The following PLK5 variants were observed in gnomAD, a reference collection of about 807,000 sequenced individuals.
PLK5 encodes the protein inactive serine/threonine-protein kinase PLK5.
In PLK5, 28 loss-of-function variants were observed where a neutral mutation model predicts 33.7. The observed-to-expected ratio is 0.83, with a 90% CI of 0.62 to 1.14. PLK5 has a LOEUF of 1.14. Ranked by LOEUF, PLK5 falls within the 50% of genes most tolerant of loss-of-function variation. The pLI, the probability that PLK5 is intolerant of heterozygous loss-of-function variation, is 0.00. For synonymous variants in PLK5, 225 were observed against 202.2 expected (o/e 1.11, Z -0.96); for missense variants, 492 against 461.5 (o/e 1.07, Z -0.61).
intron 13 of PLK5, among the ~76,000 whole-genome samples, chr19:1,534,676 G>A (rs1914039343): frequency 6.6e-6 from 1 of 150,450 alleles, no homozygotes; most frequent in Non-Finnish European, 1.5e-5. Context: ...AATTAGCCGG[G>A]CGTGGTGGCG....
chr19:1,528,147 C>G lies in PLK5; in HGVS notation c.201+13C>G, dbSNP rs1366278218. ...CTTCTTCACACAGGTGGGCGGCGGT[C>G]CTCGGCGTGGGGTCCCTGGCGTGGG... On this transcript the variant is annotated intron_variant, in intron 7 of 13. Coordinates refer to ENST00000454744, the MANE Select transcript of PLK5 (RefSeq NM_001243079.2). 1.0e-5 allele frequency: 16 copies of G among 1,533,726 alleles called. No individual in the cohort carries two copies. The highest frequency in any genetic ancestry group is 1.4e-5 in the Non-Finnish European group (16 of 1,145,156).
rs983331009 is a variant in PLK5 at position 1,526,550 on chromosome 19, G to C, written c.-248G>C. On this transcript the variant is annotated 5_prime_UTR_variant, in exon 4 of 14. Transcript: ENST00000454744. The stretch of plus-strand genomic sequence containing the variant: ...GAGCCAGAAGTGCGCGACTACCTGC[G>C]GGGCCTGGTCAGCGGCCTGCGCTAC... 1 of 281,250 alleles carries C rather than the reference G, an allele frequency of 3.6e-6. No homozygotes were observed. The highest frequency in any genetic ancestry group is 2.3e-5 in the African/African-American group (1 of 43,024). The allele number at this position is 281,250 out of a possible 1,614,324, so 17.4% of individuals were successfully genotyped here.
chr19:1,529,649 A>G (rs958204894), intron 10 of PLK5, 98 bp from the exon 11 acceptor site: 36 of 1,421,972 alleles, frequency 2.5e-5, no homozygotes, highest in Non-Finnish European at 3.4e-5. Context: ...GTTGAGGATG[A>G]GATGTTCCTG....
chr19:1,530,238 A>G (rs1470646595), intron 11 of PLK5, among the ~76,000 whole-genome samples: 1 of 151,996 alleles, frequency 6.6e-6, no homozygotes, highest in Non-Finnish European at 1.5e-5. Flanking sequence ...TGCCACCCTT[A>G]GAGAGGGAGC....
At chr19:1,530,582 G>A (rs958890431) in intron 11 of PLK5, among the ~76,000 whole-genome samples, 3 of 134,394 alleles carry the variant, frequency 2.2e-5, no homozygotes, top group Non-Finnish European at 3.1e-5. Flanking sequence ...TACAGACGTC[G>A]TCAGCCACCA....
intron 6 of PLK5, 63 bp from the exon 7 acceptor site, chr19:1,527,873 G>A (rs1410172545): frequency 1.4e-6 from 2 of 1,469,328 alleles, no homozygotes; most frequent in Non-Finnish European, 1.8e-6. Context: ...GTCTGGCCAA[G>A]TGTGCAGGGG....
chr19:1,535,192 GCGC>G lies in PLK5; in HGVS notation c.955_957del (p.Ala319del), dbSNP rs1818955700. On this transcript the variant is annotated inframe_deletion, in exon 14 of 14. Coordinates refer to ENST00000454744, the MANE Select transcript of PLK5 (RefSeq NM_001243079.2). ...CTGGACGTCCCGCGGAGCCACGGCT[GCGC>G]CCCCACCACCGGACAGCACCTTCAC... 9.2e-6 allele frequency: 14 copies of G among 1,517,402 alleles called. No homozygotes were observed. The highest frequency in any genetic ancestry group is 2.6e-5 in the East Asian group (1 of 38,696). 94.0% of individuals were successfully genotyped at this position (1,517,402 alleles called of 1,614,324 possible). A position where few individuals can be genotyped will look rare whatever the true frequency, so the allele number is the denominator to read the frequency against.
chr19:1,525,976 C>T (rs770991448), intron 3 of PLK5, among the ~76,000 whole-genome samples: 14 of 152,010 alleles, frequency 9.2e-5, no homozygotes, highest in Non-Finnish European at 2.1e-4. Flanking sequence ...ACCGCCTGGG[C>T]CCATCAGAAT....
In PLK5 at chr19:1,531,619, T is replaced by C. The variant is rs928622055; in HGVS notation, c.569-119T>C. ...TCCACCACCGAAGCCCCCAAGCCTC[T>C]GTCCGGTCCCCGCCGTGGGAAGGGT... On this transcript the variant is annotated intron_variant, in intron 11 of 13. Transcript: ENST00000454744. 3.0e-5 allele frequency: 37 copies of C among 1,249,558 alleles called. No homozygotes were observed. The African/African-American group carries it at 4.1e-4, about 14-fold the overall frequency. The allele number at this position is 1,249,558 out of a possible 1,614,324, so 77.4% of individuals were successfully genotyped here.
intron 8 of PLK5, 99 bp from the exon 9 acceptor site, chr19:1,528,799 C>A: frequency 2.0e-6 from 2 of 1,000,960 alleles, no homozygotes; most frequent in South Asian, 3.4e-5. Context: ...CTGCTCCGCT[C>A]TGTCTCCACA....
At position 1,531,880 on chromosome 19, in the gene PLK5, G is replaced by A. The variant is rs559322396; in HGVS notation, c.711G>A (p.Arg237=). 42 of 1,488,342 alleles carry A rather than the reference G, an allele frequency of 2.8e-5. No homozygotes were observed. The South Asian group carries it at 5.4e-4, about 19-fold the overall frequency. The allele number at this position is 1,488,342 out of a possible 1,614,324, so 92.2% of individuals were successfully genotyped here. A position where few individuals can be genotyped will look rare whatever the true frequency, so the allele number is the denominator to read the frequency against. The change falls in exon 12 of 14, where the codon CGG becomes CGA. Residue 237 remains arginine, a synonymous_variant. Coordinates refer to ENST00000454744, the MANE Select transcript of PLK5 (RefSeq NM_001243079.2). Reference sequence around the variant, plus strand: ...ACCCACATGGCCCTGCGACCCCCCGGAGGGTAAGTTGTGGCCTCCTGTGCC... The same window carrying A: ...ACCCACATGGCCCTGCGACCCCCCGAAGGGTAAGTTGTGGCCTCCTGTGCC... ...GRHPHGPATP[R]REGTLPTPVP... is the part of the protein sequence containing the mutation.
rs1005922437 is a variant in PLK5 at position 1,528,329 on chromosome 19, C to T, written c.229C>T (p.His77Tyr). The T allele has an allele frequency of 1.1e-5, 17 of 1,535,680 alleles. No homozygotes were observed. The Admixed American group carries it at 2.7e-4, about 25-fold the overall frequency. Residue 77 changes from histidine to tyrosine, a missense_variant, in exon 8 of 14, where the codon CAC (histidine) becomes TAC (tyrosine). Physicochemically the swap from His to Tyr is moderately conservative, Grantham distance 83 (BLOSUM62 2). Transcript: ENST00000454744. Reference sequence around the variant, plus strand: ...TTTCACTCCAGACCGGCTGCCGGCCCACTCCTGCCACAGTCCCCCCATCTT... The same window carrying T: ...TTTCACTCCAGACCGGCTGCCGGCCTACTCCTGCCACAGTCCCCCCATCTT... ...QGFTPDRLPA[H>Y]SCHSPPIFAI...
Position 1,528,039 on chromosome 19 carries a change from G to C in PLK5, c.106G>C (p.Ala36Pro), listed in dbSNP as rs1352804652. 3.3e-6 allele frequency: 5 copies of C among 1,536,110 alleles called. No individual in the cohort carries two copies. The highest frequency in any genetic ancestry group is 3.5e-6 in the Non-Finnish European group (4 of 1,146,868). The change falls in exon 7 of 14, where the codon GCC becomes CCC. Residue 36 changes from alanine to proline, a missense_variant. Ala to Pro is a conservative substitution (Grantham distance 27, BLOSUM62 -1). Transcript: ENST00000454744. ...CTACCCCGAACCCGCTCACCTGTCTGCCAATGCGCGCCGCCTCATCGTGCA... is the reference window on the plus strand; with the variant it reads ...CTACCCCGAACCCGCTCACCTGTCTCCCAATGCGCGCCGCCTCATCGTGCA... ...GHYPEPAHLS[A>P]NARRLIVHLL...
rs1599309130 is a variant in PLK5 at position 1,535,146 on chromosome 19, T to C, written c.907T>C (p.Ser303Pro). Residue 303 changes from serine (S) to proline (P), a missense_variant, in exon 14 of 14, where the codon TCC becomes CCC. Transcript: ENST00000454744. ...GCAGCTCACCCTCTGGGAGCAGGGG[T>C]CCCCTGGCACCTCCTACTCCCTGGA... ...GLQLTLWEQG[S>P]PGTSYSLDVP... The C allele has an allele frequency of 6.5e-7, 1 of 1,535,472 alleles. No individual in the cohort carries two copies. Among genetic ancestry groups the C allele is most frequent in the African/African-American group, 1.4e-5 (1 of 72,904 alleles).
chr19:1,530,710 C>T (rs1913903750), intron 11 of PLK5, among the ~76,000 whole-genome samples: 1 of 148,226 alleles, frequency 6.7e-6, no homozygotes, highest in African/African-American at 2.6e-5. Flanking sequence ...AGCTCTGCCT[C>T]CCGGGTTCAC....
Position 1,529,389 on chromosome 19 carries a change from T to C in PLK5, c.406-17T>C. On this transcript the variant is annotated splice_polypyrimidine_tract_variant and intron_variant, in intron 9 of 13. Transcript: ENST00000454744. ...CTGGGGCCGGGGCCACCCCCACCCCTGCTGCTCCCACCTCAGAGCTCCCTG... is the reference window on the plus strand; with the variant it reads ...CTGGGGCCGGGGCCACCCCCACCCCCGCTGCTCCCACCTCAGAGCTCCCTG... 1 of 1,533,574 alleles carries C rather than the reference T, an allele frequency of 6.5e-7. No individual in the cohort carries two copies. The highest frequency in any genetic ancestry group is 8.7e-7 in the Non-Finnish European group (1 of 1,145,204). 95.0% of individuals were successfully genotyped at this position (1,533,574 alleles called of 1,614,324 possible). A position where few individuals can be genotyped will look rare whatever the true frequency, so the allele number is the denominator to read the frequency against.
chr19:1,529,831 G>T lies in PLK5; in HGVS notation c.568+7G>T. 6.5e-7 allele frequency: 1 copy of T among 1,535,132 alleles called. No individual in the cohort carries two copies. The highest frequency in any genetic ancestry group is 8.7e-7 in the Non-Finnish European group (1 of 1,146,472). ...CTGGATGTAGGCCCCCCGGGTAGGA[G>T]CCGGCCCAGCCCCCAGGATCACCTT... On this transcript the variant is annotated splice_region_variant and intron_variant, in intron 11 of 13. Transcript: ENST00000454744.
At chr19:1,529,613 C>A in intron 10 of PLK5, 123 bp downstream of exon 10, 1 of 1,406,000 alleles carries the variant, frequency 7.1e-7, no homozygotes, top group Non-Finnish European at 9.7e-7. Context: ...CCTTTCCCGC[C>A]TGTCAAATGG....
At chr19:1,525,968 C>T (rs749409421) in intron 3 of PLK5, among the ~76,000 whole-genome samples, 6 of 152,106 alleles carry the variant, frequency 3.9e-5, no homozygotes, top group African/African-American at 4.8e-5. Flanking sequence ...CACCTGTGAC[C>T]GCCTGGGCCC....
Sources: allele counts gnomAD v4.1 joint callset (sites outside exome capture counted in the v4.1 genomes callset), GRCh38; gene constraint gnomAD v4.1.1; transcripts MANE v1.5; gene names NCBI Gene and HGNC (gene_info 2026-07-23, HGNC 2026-07-21).